Variants in PHC3 observed in about 807,000 individuals in gnomAD.
The protein encoded by PHC3 is polyhomeotic homolog 3.
In PHC3, 13 loss-of-function variants were observed where a neutral mutation model predicts 107.4. The observed-to-expected ratio is 0.12, with a 90% CI of 0.08 to 0.19. The LOEUF (loss-of-function observed/expected upper bound fraction) is 0.19. Among genes scored for constraint, PHC3 ranks in the 10% least tolerant of loss-of-function variants. The pLI is 1.00. For missense variants in PHC3, 992 were observed against 1,210.9 expected, an observed-to-expected ratio of 0.82 and a Z score of 2.68; for synonymous variants, 456 against 427.4, an observed-to-expected ratio of 1.07 and a Z score of -0.83.
At chr3:170,115,284 TTAA>T (rs1326361743) in intron 10 of PHC3, among the ~76,000 whole-genome samples, 13 of 151,982 alleles carry the variant, frequency 8.6e-5, no homozygotes, top group South Asian at 4.2e-4. Context: ...TCCAATACTA[TTAA>T]TAATGAGAAA....
intron 12 of PHC3, among the ~76,000 whole-genome samples, chr3:170,106,507 C>T (rs891953864): frequency 1.4e-4 from 21 of 152,008 alleles, no homozygotes; most frequent in African/African-American, 5.1e-4. Context: ...ATGATGAAAT[C>T]GTGATGACTT....
At chr3:170,181,550 G>A (rs1731437566) in intron 1 of PHC3, 152 bp downstream of exon 1, 6 of 1,130,170 alleles carry the variant, frequency 5.3e-6, no homozygotes, top group East Asian at 2.5e-5. Context: ...CGCGACACGG[G>A]CCTAGCCGGC....
At position 170,117,401 on chromosome 3, in the gene PHC3, G is replaced by C; in HGVS notation, c.2018C>G (p.Ser673Cys). ...IKSPSDPSHV[S>C]VPPPPLLLPA... ...AAGTAACAATGGAGGTGGTGGAACA[G>C]AAACATGTGAGGGATCTGATGGAGA... Residue 673 changes from serine to cysteine, a missense_variant, in exon 10 of 15, where the codon TCT (serine) becomes TGT (cysteine). By Grantham distance (112) the Ser-to-Cys change is moderately radical (BLOSUM62 -1). Transcript: ENST00000495893. 6.2e-7 allele frequency: 1 copy of C among 1,613,818 alleles called. No homozygotes were observed.
At chr3:170,116,809 G>A (rs1471945067) in intron 10 of PHC3, among the ~76,000 whole-genome samples, 2 of 151,844 alleles carry the variant, frequency 1.3e-5, no homozygotes, top group African/African-American at 4.8e-5. Context: ...TACTCAGGTG[G>A]CTGAGGTAGA....
intron 1 of PHC3, among the ~76,000 whole-genome samples, chr3:170,181,417 A>C (rs1028784170): frequency 1.3e-5 from 2 of 152,062 alleles, no homozygotes; most frequent in Admixed American, 1.3e-4. Context: ...GTTCCCCGGA[A>C]AACCCCAGCT....
intron 10 of PHC3, 79 bp from the exon 11 acceptor site, chr3:170,113,598 A>G (rs1384057071): frequency 1.5e-6 from 2 of 1,315,648 alleles, no homozygotes; most frequent in Non-Finnish European, 2.1e-6. Context: ...AAAACTCTTA[A>G]AATGAAACCT....
At chr3:170,168,935 C>T (rs1577254231) in intron 4 of PHC3, among the ~76,000 whole-genome samples, 2 of 151,312 alleles carry the variant, frequency 1.3e-5, no homozygotes, top group South Asian at 2.1e-4. Flanking sequence ...ATCCTTGCGA[C>T]CAGAAGTGTT....
chr3:170,132,537 C>A (rs1473443325), intron 7 of PHC3, among the ~76,000 whole-genome samples: 1 of 152,134 alleles, frequency 6.6e-6, no homozygotes, highest in Admixed American at 6.6e-5. Context: ...TGGTTTGTGC[C>A]CTTTTAAGAA....
intron 2 of PHC3, among the ~76,000 whole-genome samples, chr3:170,177,933 A>G (rs1730744356): frequency 6.6e-6 from 1 of 152,002 alleles, no homozygotes; most frequent in Non-Finnish European, 1.5e-5. Flanking sequence ...GGTCTCCCAC[A>G]GTGTTGGGAT....
chr3:170,176,899 T>A, intron 2 of PHC3: 2 of 455,962 alleles, frequency 4.4e-6, no homozygotes, highest in Non-Finnish European at 8.8e-6. Flanking sequence ...AAGGGGATTA[T>A]GTCTCATACC....
At chr3:170,172,135 T>C (rs912791761) in intron 3 of PHC3, among the ~76,000 whole-genome samples, 4 of 152,124 alleles carry the variant, frequency 2.6e-5, no homozygotes, top group African/African-American at 7.2e-5. Context: ...CGGGAAACAG[T>C]GATAGACAGG....
At chr3:170,150,953 C>G (rs1247631125) in intron 4 of PHC3, among the ~76,000 whole-genome samples, 1 of 152,028 alleles carries the variant, frequency 6.6e-6, no homozygotes, top group Non-Finnish European at 1.5e-5. Context: ...TGGCTCCAGC[C>G]TATAATCCCA....
At chr3:170,136,337 C>A in intron 7 of PHC3, 82 bp downstream of exon 7, 1 of 1,535,980 alleles carries the variant, frequency 6.5e-7, no homozygotes, top group South Asian at 1.2e-5. Context: ...CACTCCTGTT[C>A]AAGTCATGAA....
At chr3:170,173,771 T>C (rs1729982744) in intron 2 of PHC3, among the ~76,000 whole-genome samples, 1 of 152,288 alleles carries the variant, frequency 6.6e-6, no homozygotes, top group Admixed American at 6.5e-5. Context: ...TTTGAAAGAA[T>C]CCACAGGAAA....
At chr3:170,113,970 TCTCTC>T (rs745308356) in intron 10 of PHC3, among the ~76,000 whole-genome samples, 4 of 152,148 alleles carry the variant, frequency 2.6e-5, no homozygotes, top group Non-Finnish European at 5.9e-5. Flanking sequence ...TAAGCAATTC[TCTCTC>T]AAGTTCTTTG....
intron 4 of PHC3, among the ~76,000 whole-genome samples, chr3:170,151,572 A>G (rs1236311553): frequency 1.3e-5 from 2 of 152,216 alleles, no homozygotes; most frequent in African/African-American, 4.8e-5. Context: ...GGTTCTATAG[A>G]GCCAGAAGAT....
intron 8 of PHC3, 132 bp from the exon 9 acceptor site, chr3:170,122,876 TGAAAG>T: frequency 1.0e-6 from 1 of 1,001,640 alleles, no homozygotes; most frequent in South Asian, 2.1e-5. Context: ...TCTAACAGAC[TGAAAG>T]GAAAACTTAA....
rs759261940 is a variant in PHC3, at chr3:170,171,480, G to A, written c.337-30C>T. 3.0e-5 allele frequency: 45 copies of A among 1,479,158 alleles called. 1 individual carries two copies. Among genetic ancestry groups the A allele is most frequent in the South Asian group, 1.3e-4 (10 of 75,784 alleles). 91.6% of individuals were successfully genotyped at this position (1,479,158 alleles called of 1,614,324 possible). A position where few individuals can be genotyped will look rare whatever the true frequency, so the allele number is the denominator to read the frequency against. ...AATAGTAAGACTTTTAGAATATGTC[G>A]GTAAAAACCTGAAGTTAAGAACTTT... On this transcript the variant is annotated intron_variant, in intron 3 of 14. Coordinates refer to ENST00000495893, the MANE Select transcript of PHC3 (RefSeq NM_024947.4).
At chr3:170,177,738 A>G in intron 2 of PHC3, among the ~76,000 whole-genome samples, 1 of 139,032 alleles carries the variant, frequency 7.2e-6, no homozygotes. Context: ...TGGTGCGATC[A>G]CAGCTCATTG....
Sources: gnomAD v4.1 joint callset for allele counts (sites outside exome capture counted in the v4.1 genomes callset) on GRCh38, gnomAD v4.1.1 for gene constraint, MANE v1.5 for transcripts, NCBI Gene and HGNC (gene_info 2026-07-23, HGNC 2026-07-21) for gene names.